Variants in ZMYM4 observed in about 807,000 individuals in gnomAD.
ZMYM4 encodes the protein zinc finger MYM-type containing 4.
In ZMYM4, 31 loss-of-function variants were observed where a neutral mutation model predicts 183.2. The ratio of observed to expected loss-of-function variants is 0.17; its 90% CI spans 0.13 to 0.23. ZMYM4 has a LOEUF of 0.23. ZMYM4 is among the 10% of genes least tolerant of loss of function. The pLI is 1.00. For missense variants in ZMYM4, 1,273 were observed against 1,840.3 expected (o/e 0.69, Z 5.64); for synonymous variants, 592 against 631.2 (o/e 0.94, Z 0.93).
At chr1:35,376,235 G>T (rs946562519) in intron 7 of ZMYM4, among the ~76,000 whole-genome samples, 2 of 152,132 alleles carry the variant, frequency 1.3e-5, no homozygotes, top group African/African-American at 4.8e-5. Context: ...GAATGAGATT[G>T]TTTCTTCTCA....
intron 1 of ZMYM4, among the ~76,000 whole-genome samples, chr1:35,275,281 G>C (rs1216826741): frequency 2.0e-5 from 3 of 151,148 alleles, no homozygotes; most frequent in Non-Finnish European, 4.4e-5. Flanking sequence ...TTGCTCTGTC[G>C]CCTAGGCTGG....
chr1:35,333,800 TTCTC>T (rs763384811), intron 2 of ZMYM4, among the ~76,000 whole-genome samples: 2 of 152,116 alleles, frequency 1.3e-5, no homozygotes, highest in African/African-American at 4.8e-5. Context: ...TCCTCCTCAC[TTCTC>T]TCTGTCTTGA....
chr1:35,308,197 G>A (rs1321847758), intron 1 of ZMYM4, among the ~76,000 whole-genome samples: 1 of 151,626 alleles, frequency 6.6e-6, no homozygotes, highest in Non-Finnish European at 1.5e-5. Context: ...TTGCCACGTT[G>A]GCCAGGCTGG....
At chr1:35,364,772 T>G (rs906994095) in intron 5 of ZMYM4, among the ~76,000 whole-genome samples, 5 of 152,208 alleles carry the variant, frequency 3.3e-5, no homozygotes, top group Non-Finnish European at 7.3e-5. Flanking sequence ...TGTGCTTAAT[T>G]TAGGTAGTTT....
In ZMYM4 at chr1:35,343,842, C is replaced by T. The variant is rs543813619; in HGVS notation, c.86-15083C>T. On this transcript the variant is annotated intron_variant, in intron 2 of 29. Coordinates refer to ENST00000314607, the MANE Select transcript of ZMYM4 (RefSeq NM_005095.3). ...TCACGCCACTGCACTCCAGCCTGGG[C>T]GACAGAGCGAGACTCTGTCTCAAAA... Among the ~76,000 whole-genome samples the T allele has an allele frequency of 4.4e-3, 662 of 149,870 alleles. 6 individuals are homozygous for T. Among genetic ancestry groups the T allele is most frequent in the Admixed American group, 7.3e-3 (109 of 15,016 alleles).
chr1:35,283,976 G>GTT (rs1007023907), intron 1 of ZMYM4, among the ~76,000 whole-genome samples: 5 of 142,624 alleles, frequency 3.5e-5, no homozygotes, highest in South Asian at 4.5e-4. Context: ...TTGTTTTTTT[G>GTT]TTTTTTTTTT....
chr1:35,327,099 G>T (rs1438011099), intron 2 of ZMYM4, among the ~76,000 whole-genome samples: 1 of 152,186 alleles, frequency 6.6e-6, no homozygotes, highest in Admixed American at 6.5e-5. Context: ...GACCTCAAGT[G>T]ATCCACCTGC....
At chr1:35,379,781 A>G (rs1644413378) in intron 7 of ZMYM4, among the ~76,000 whole-genome samples, 1 of 152,176 alleles carries the variant, frequency 6.6e-6, no homozygotes, top group Admixed American at 6.5e-5. Context: ...TTTCGATATT[A>G]TTATGCCTCA....
At chr1:35,294,797 A>G (rs1570277370) in intron 1 of ZMYM4, among the ~76,000 whole-genome samples, 1 of 152,262 alleles carries the variant, frequency 6.6e-6, no homozygotes, top group East Asian at 1.9e-4. Flanking sequence ...AACAAAAAAA[A>G]TTAATTCAAA....
intron 27 of ZMYM4, among the ~76,000 whole-genome samples, chr1:35,415,013 A>C (rs747255974): frequency 6.6e-6 from 1 of 152,130 alleles, no homozygotes; most frequent in East Asian, 1.9e-4. Context: ...GTGCCACTGC[A>C]CTCCAGCCTG....
rs142035986 is a variant in ZMYM4 at position 35,401,798 on chromosome 1, G to T, written c.3528+2222G>T. 1.3e-3 allele frequency among the ~76,000 whole-genome samples: 194 copies of T among 152,178 alleles called. 3 individuals carry two copies. Among genetic ancestry groups the T allele is most frequent in the Admixed American group, 0.011 (173 of 15,280 alleles). ...AATTTTTATATATGAGTTGAGACAA[G>T]GGTCAAGGTTCATTTTTTGAATATG... On this transcript the variant is annotated intron_variant, in intron 23 of 29. Coordinates refer to ENST00000314607, the MANE Select transcript of ZMYM4 (RefSeq NM_005095.3).
chr1:35,295,839 A>C (rs765729726), intron 1 of ZMYM4: 8 of 152,198 alleles, frequency 5.3e-5, no homozygotes, highest in Non-Finnish European at 1.0e-4. Context: ...CATGACTTGC[A>C]CTGTGATAAG....
At position 35,302,378 on chromosome 1, in the gene ZMYM4, CT is replaced by C. The variant is rs1179477732; in HGVS notation, c.40-22957del. ...TGTGCCAGCGGACTGGCTAATTTGACTTTTTTTTTTTTTTTTTTTTTTTTTG... is the reference window on the plus strand; with the variant it reads ...TGTGCCAGCGGACTGGCTAATTTGACTTTTTTTTTTTTTTTTTTTTTTTTG... On this transcript the variant is annotated intron_variant, in intron 1 of 29. Transcript: ENST00000314607. Among the ~76,000 whole-genome samples the C allele has an allele frequency of 7.2e-3, 620 of 86,136 alleles. 3 individuals are homozygous for C. The highest frequency in any genetic ancestry group is 0.025 in the African/African-American group (536 of 21,046). The allele number at this position is 86,136 out of a possible 152,430, so 56.5% of individuals were successfully genotyped here. A position where few individuals can be genotyped will look rare whatever the true frequency, so the allele number is the denominator to read the frequency against.
intron 1 of ZMYM4, among the ~76,000 whole-genome samples, chr1:35,276,760 A>G (rs930308441): frequency 3.9e-5 from 6 of 152,080 alleles, no homozygotes; most frequent in African/African-American, 1.4e-4. Context: ...GGCATGCACC[A>G]CCAGCCTTGG....
intron 2 of ZMYM4, 79 bp downstream of exon 2, chr1:35,325,484 A>C: frequency 2.8e-6 from 4 of 1,427,966 alleles, no homozygotes; most frequent in Non-Finnish European, 9.6e-7. Flanking sequence ...TTTAACTATT[A>C]CAGTGTTTAG....
intron 1 of ZMYM4, among the ~76,000 whole-genome samples, chr1:35,292,688 C>G (rs1640819105): frequency 6.6e-6 from 1 of 151,882 alleles, no homozygotes; most frequent in Admixed American, 6.6e-5. Context: ...TTAGTAGAGA[C>G]CGGGTTTCAC....
chr1:35,342,247 C>G (rs1237943905), intron 2 of ZMYM4, among the ~76,000 whole-genome samples: 1 of 152,040 alleles, frequency 6.6e-6, no homozygotes, highest in Non-Finnish European at 1.5e-5. Context: ...CCCCACCTCT[C>G]ATGCTTAAGT....
At chr1:35,306,389 A>T (rs894310949) in intron 1 of ZMYM4, among the ~76,000 whole-genome samples, 4 of 152,040 alleles carry the variant, frequency 2.6e-5, no homozygotes, top group Non-Finnish European at 5.9e-5. Context: ...GTAAGGTCTC[A>T]CGAATTCTTT....
chr1:35,389,830 C>A lies in ZMYM4; in HGVS notation c.2437-118C>A. 10 of 850,622 alleles carry A rather than the reference C, an allele frequency of 1.2e-5. No homozygotes were observed. The highest frequency in any genetic ancestry group is 6.5e-5 in the East Asian group (2 of 30,858). The allele number at this position is 850,622 out of a possible 1,614,324, so 52.7% of individuals were successfully genotyped here. A position where few individuals can be genotyped will look rare whatever the true frequency, so the allele number is the denominator to read the frequency against. On this transcript the variant is annotated intron_variant, in intron 14 of 29. Coordinates refer to ENST00000314607, the MANE Select transcript of ZMYM4 (RefSeq NM_005095.3). This position sits in a 1 kb window ranked among gnomAD's most constrained non-coding sequence, Gnocchi z 4.0. Reference sequence around the variant, plus strand: ...GTGTATAATCATTGATAAAGACAAACTAATTTTTTGATCTAAATTCTAAGT... The same window carrying A: ...GTGTATAATCATTGATAAAGACAAAATAATTTTTTGATCTAAATTCTAAGT...
Sources: gnomAD v4.1 joint callset for allele counts (sites outside exome capture counted in the v4.1 genomes callset) on GRCh38, gnomAD v4.1.1 for gene constraint, Gnocchi (gnomAD v3.1) non-coding constraint, MANE v1.5 for transcripts, NCBI Gene and HGNC (gene_info 2026-07-23, HGNC 2026-07-21) for gene names.